Variants in CAMTA1 observed in about 807,000 individuals in gnomAD.
CAMTA1 encodes the protein calmodulin binding transcription activator 1.
In CAMTA1, 27 loss-of-function variants were observed where a neutral mutation model predicts 170.9. That is an observed-to-expected ratio of 0.16 (90% confidence interval 0.12 to 0.22). The LOEUF (loss-of-function observed/expected upper bound fraction) is 0.22, where lower values mean the gene tolerates loss of function less well. CAMTA1 is among the 10% of genes least tolerant of loss of function. The pLI, the probability that CAMTA1 is intolerant of heterozygous loss-of-function variation, is 1.00. For synonymous variants in CAMTA1, 833 were observed against 891.5 expected (o/e 0.93, Z 1.17); for missense variants, 1,619 against 2,217.2 (o/e 0.73, Z 5.42).
rs565973220 is a variant in CAMTA1 at position 7,561,708 on chromosome 1, G to A, written c.511-78692G>A. On this transcript the variant is annotated intron_variant, in intron 6 of 22. Transcript: ENST00000303635. This position sits in a 1 kb window ranked among gnomAD's most constrained non-coding sequence, Gnocchi z 5.3. Reference sequence around the variant, plus strand: ...GAGGCCACCCCTCCCCAGCCCCCTAGGCCACTGTGTTAGATTCTTCACGAC... The same window carrying A: ...GAGGCCACCCCTCCCCAGCCCCCTAAGCCACTGTGTTAGATTCTTCACGAC... Among the ~76,000 whole-genome samples, 1 of 151,930 alleles carries A rather than the reference G, an allele frequency of 6.6e-6. No homozygotes were observed. The highest frequency in any genetic ancestry group is 2.0e-4 in the East Asian group (1 of 5,110).
chr1:7,738,427 C>G lies in CAMTA1; in HGVS notation c.4127C>G (p.Ser1376Cys). 6.2e-6 allele frequency: 10 copies of G among 1,614,116 alleles called. No homozygotes were observed. Among genetic ancestry groups the G allele is most frequent in the Non-Finnish European group, 7.6e-6 (9 of 1,180,024 alleles). Residue 1376 changes from serine (S) to cysteine (C), a missense_variant, in exon 16 of 23, where the codon TCC becomes TGC. Physicochemically the swap from Ser to Cys is moderately radical, Grantham distance 112. This residue lies in a region of CAMTA1 where 370 missense variants were observed against 429.4 expected (regional missense o/e 0.86). Coordinates refer to ENST00000303635, the MANE Select transcript of CAMTA1 (RefSeq NM_015215.4). This position sits in a 1 kb window ranked among gnomAD's most constrained non-coding sequence, Gnocchi z 4.9. ...GAGGTGGTGAATACAGAGCTGGGGT[C>G]CTACCGTGATAGTGCAGAAAATGAA... Reference protein sequence around the residue: ...NREVVNTELGSYRDSAENEEC... With the variant: ...NREVVNTELGCYRDSAENEEC...
At chr1:7,192,685 G>A (rs375664475) in intron 4 of CAMTA1, among the ~76,000 whole-genome samples, 63 of 152,270 alleles carry the variant, frequency 4.1e-4, no homozygotes, top group African/African-American at 1.3e-3. Context: ...TGGGCATCAC[G>A]GCCCCCTCAC....
chr1:7,424,796 C>T (rs2091785009), intron 5 of CAMTA1, among the ~76,000 whole-genome samples: 1 of 152,070 alleles, frequency 6.6e-6, no homozygotes, highest in African/African-American at 2.4e-5. Context: ...CCAAGTTCAA[C>T]AGTCTGGGCC....
chr1:7,313,579 G>A (rs377123445), intron 5 of CAMTA1, among the ~76,000 whole-genome samples: 8 of 152,128 alleles, frequency 5.3e-5, no homozygotes, highest in Admixed American at 5.2e-4. Flanking sequence ...ATCAAACCTA[G>A]AATTGGTATT....
intron 6 of CAMTA1, among the ~76,000 whole-genome samples, chr1:7,557,118 G>C (rs751010352): frequency 8.6e-5 from 13 of 151,940 alleles, no homozygotes; most frequent in Non-Finnish European, 1.9e-4. Context: ...GACCAGCCTG[G>C]GCAACATGGC....
chr1:6,972,197 G>A (rs1214145184), intron 3 of CAMTA1, among the ~76,000 whole-genome samples: 2 of 152,196 alleles, frequency 1.3e-5, no homozygotes, highest in Non-Finnish European at 2.9e-5. Flanking sequence ...TGTCACCCCA[G>A]TGGTGAGGGA....
At chr1:6,809,560 G>T (rs889086268) in intron 1 of CAMTA1, among the ~76,000 whole-genome samples, 10 of 152,088 alleles carry the variant, frequency 6.6e-5, no homozygotes, top group Non-Finnish European at 1.3e-4. Flanking sequence ...GGCAGATGCA[G>T]TGGCAGCAGC....
intron 5 of CAMTA1, among the ~76,000 whole-genome samples, chr1:7,373,250 T>C (rs1207225425): frequency 6.6e-6 from 1 of 152,206 alleles, no homozygotes; most frequent in Non-Finnish European, 1.5e-5. Context: ...TCTCTGCCAG[T>C]CGTGACTGCT....
chr1:7,147,299 C>T (rs1359231752), intron 4 of CAMTA1, among the ~76,000 whole-genome samples: 2 of 151,844 alleles, frequency 1.3e-5, no homozygotes, highest in Non-Finnish European at 2.9e-5. Flanking sequence ...TGGTGAGCAC[C>T]TATAGTCCCA....
intron 11 of CAMTA1, among the ~76,000 whole-genome samples, chr1:7,728,192 T>G (rs1290396761): frequency 1.3e-5 from 2 of 152,244 alleles, no homozygotes; most frequent in Non-Finnish European, 2.9e-5. Flanking sequence ...ACAGAGTCAC[T>G]GTGACTGTTG....
chr1:7,598,753 G>A (rs1314707439), intron 6 of CAMTA1, among the ~76,000 whole-genome samples: 12 of 152,274 alleles, frequency 7.9e-5, no homozygotes, highest in Admixed American at 6.5e-5. Flanking sequence ...AGAAGTGTCT[G>A]TTCATGTCCT....
chr1:7,633,789 C>T lies in CAMTA1; in HGVS notation c.511-6611C>T, dbSNP rs1001334785. 2.0e-5 allele frequency among the ~76,000 whole-genome samples: 3 copies of T among 152,238 alleles called. No homozygotes were observed. Among genetic ancestry groups the T allele is most frequent in the Admixed American group, 6.5e-5 (1 of 15,286 alleles). ...TGTGGCCAGGAAAACAGGCCAAACC[C>T]GAGTAGTAATTGAGCGGAAACTGAG... is the stretch of plus-strand genomic sequence containing the variant. On this transcript the variant is annotated intron_variant, in intron 6 of 22. Transcript: ENST00000303635. This position sits in a 1 kb window ranked among gnomAD's most constrained non-coding sequence, Gnocchi z 4.1.
At chr1:7,208,474 C>A (rs1230700734) in intron 4 of CAMTA1, among the ~76,000 whole-genome samples, 1 of 152,070 alleles carries the variant, frequency 6.6e-6, no homozygotes, top group Non-Finnish European at 1.5e-5. Context: ...GTTTGTCTAC[C>A]CCTGTGCTAG....
intron 4 of CAMTA1, among the ~76,000 whole-genome samples, chr1:7,232,848 G>C (rs937562487): frequency 6.6e-6 from 1 of 152,018 alleles, no homozygotes. Context: ...GGCCTTTCGC[G>C]TGCAGCCTTA....
chr1:7,398,187 CTCTCTCTATA>C (rs1350586591), intron 5 of CAMTA1, among the ~76,000 whole-genome samples: 42 of 38,194 alleles, frequency 1.1e-3, no homozygotes, highest in Non-Finnish European at 1.5e-3. Context: ...CTCTCTCTCT[CTCTCTCTATA>C]TATATATATA....
intron 3 of CAMTA1, among the ~76,000 whole-genome samples, chr1:7,059,605 G>A (rs1286361946): frequency 6.6e-6 from 1 of 152,100 alleles, no homozygotes; most frequent in East Asian, 1.9e-4. Context: ...GGGCGACACA[G>A]CAAGACCCTG....
At chr1:7,276,303 A>ATATAATTT in intron 5 of CAMTA1, among the ~76,000 whole-genome samples, 1 of 24,228 alleles carries the variant, frequency 4.1e-5, no homozygotes, top group African/African-American at 3.0e-4. Context: ...ATATATATAT[A>ATATAATTT]TTTTTTTTTT....
rs960963202 is a variant in CAMTA1 at position 7,732,698 on chromosome 1, G to A, written c.3066+99G>A. ...CAGGCCTCTTCTCTGCTGCTGATGC[G>A]GTCCCTGTATTCAGGCAGAAGGCCT... On this transcript the variant is annotated intron_variant, in intron 12 of 22. Coordinates refer to ENST00000303635, the MANE Select transcript of CAMTA1 (RefSeq NM_015215.4). This position sits in a 1 kb window ranked among gnomAD's most constrained non-coding sequence, Gnocchi z 4.1. The A allele has an allele frequency of 1.2e-5, 18 of 1,446,426 alleles. No homozygotes were observed. The highest frequency in any genetic ancestry group is 2.7e-5 in the Admixed American group (1 of 37,522). 89.6% of individuals were successfully genotyped at this position (1,446,426 alleles called of 1,614,324 possible).
chr1:7,156,634 G>A (rs1269326297), intron 4 of CAMTA1, among the ~76,000 whole-genome samples: 1 of 152,218 alleles, frequency 6.6e-6, no homozygotes, highest in Non-Finnish European at 1.5e-5. Context: ...CTGCAGCTTT[G>A]CTAATCCTGA....
Sources: gnomAD v4.1 joint callset for allele counts (sites outside exome capture counted in the v4.1 genomes callset) on GRCh38, gnomAD v4.1.1 for gene constraint, gnomAD v4.1.1 regional missense constraint, Gnocchi (gnomAD v3.1) non-coding constraint, MANE v1.5 for transcripts, NCBI Gene and HGNC (gene_info 2026-07-23, HGNC 2026-07-21) for gene names.